Variants in AKAP13 observed in about 807,000 individuals in gnomAD.
AKAP13 encodes A-kinase anchoring protein 13, also known as A-kinase anchor protein 13.
In AKAP13, 80 loss-of-function variants were observed where a neutral mutation model predicts 264.5. The observed-to-expected ratio is 0.30, with a 90% CI of 0.25 to 0.36. AKAP13 has a LOEUF of 0.36. Among genes scored for constraint, AKAP13 ranks in the 10% least tolerant of loss-of-function variants. The probability of loss-of-function intolerance (pLI) is 1.00; values close to 1 mark genes in which losing one functional copy is unlikely to be tolerated. For synonymous variants in AKAP13, 1,380 were observed against 1,250.2 expected (o/e 1.10, Z -2.19); for missense variants, 3,712 against 3,435.2 (o/e 1.08, Z -2.01).
intron 2 of AKAP13, among the ~76,000 whole-genome samples, chr15:85,505,480 A>G (rs191187777): frequency 1.6e-4 from 25 of 152,358 alleles, no homozygotes; most frequent in African/African-American, 6.0e-4. Flanking sequence ...AAAAAAGAAG[A>G]CAGGTTATAG....
chr15:85,582,228 G>T (rs2079155856), intron 7 of AKAP13, 121 bp downstream of exon 7: 1 of 1,132,724 alleles, frequency 8.8e-7, no homozygotes, highest in South Asian at 1.7e-5. Context: ...TCATTGGGTA[G>T]GTAGCCAAGT....
chr15:85,727,198 G>A lies in AKAP13; in HGVS notation c.6955G>A (p.Glu2319Lys). ...GGTAGAAGTCCATGCCAGCTCCAAA[G>A]AGGAACGAAACAGCTGGATTCAGAT... The part of the protein sequence containing the change: ...EMVEVHASSK[E>K]ERNSWIQIIQ... The change falls in exon 28 of 37, where the codon GAG (glutamate) becomes AAG (lysine). Residue 2319 changes from glutamate to lysine, a missense_variant. Glu to Lys is a moderately conservative substitution (Grantham distance 56). Coordinates refer to ENST00000394518, the MANE Select transcript of AKAP13 (RefSeq NM_007200.5). This position sits in a 1 kb window ranked among gnomAD's most constrained non-coding sequence, Gnocchi z 5.3. 6.2e-7 allele frequency: 1 copy of A among 1,614,184 alleles called. No homozygotes were observed. The highest frequency in any genetic ancestry group is 8.5e-7 in the Non-Finnish European group (1 of 1,180,032).
chr15:85,393,104 T>A (rs1442689618), intron 1 of AKAP13, among the ~76,000 whole-genome samples: 1 of 152,190 alleles, frequency 6.6e-6, no homozygotes, highest in Non-Finnish European at 1.5e-5. Flanking sequence ...TAAGTGGGTG[T>A]GTTTCTGGAG....
At chr15:85,467,453 G>A (rs1398736062) in intron 1 of AKAP13, among the ~76,000 whole-genome samples, 3 of 151,876 alleles carry the variant, frequency 2.0e-5, no homozygotes, top group African/African-American at 7.3e-5. Flanking sequence ...AGTTATTTGT[G>A]TCTCTGTGAA....
At chr15:85,549,834 C>T (rs951955361) in intron 5 of AKAP13, among the ~76,000 whole-genome samples, 1 of 152,120 alleles carries the variant, frequency 6.6e-6, no homozygotes, top group African/African-American at 2.4e-5. Flanking sequence ...AATAACTGTA[C>T]ATTTATATTA....
In AKAP13 at chr15:85,685,978, T is replaced by C. The variant is rs145641748; in HGVS notation, c.5289+1105T>C. Among the ~76,000 whole-genome samples the C allele has an allele frequency of 2.0e-5, 3 of 152,370 alleles. No individual in the cohort carries two copies. In the East Asian group the frequency reaches 5.8e-4, roughly 29 times the overall value. On this transcript the variant is annotated intron_variant, in intron 16 of 36. Coordinates refer to ENST00000394518, the MANE Select transcript of AKAP13 (RefSeq NM_007200.5). ...AAAGGGAGAAAAGAAGTTCACTTTC[T>C]TATACTGATTCCCAGTGCTAAACCA...
chr15:85,509,189 G>T (rs983257682), intron 2 of AKAP13, among the ~76,000 whole-genome samples: 1 of 152,146 alleles, frequency 6.6e-6, no homozygotes, highest in Non-Finnish European at 1.5e-5. Flanking sequence ...GTTTCAAGTG[G>T]TTCTTATCAG....
At chr15:85,720,502 C>T (rs1194318370) in intron 23 of AKAP13, among the ~76,000 whole-genome samples, 1 of 152,190 alleles carries the variant, frequency 6.6e-6, no homozygotes, top group Non-Finnish European at 1.5e-5. Context: ...ATGTGATTGT[C>T]ATAGACAGAT....
chr15:85,709,744 A>G (rs763476389), intron 18 of AKAP13, among the ~76,000 whole-genome samples: 5 of 151,394 alleles, frequency 3.3e-5, no homozygotes, highest in Non-Finnish European at 5.9e-5. Flanking sequence ...CTGGAGTGCA[A>G]TGGCACAGTC....
intron 19 of AKAP13, among the ~76,000 whole-genome samples, chr15:85,713,511 C>T (rs566393103): frequency 6.8e-6 from 1 of 148,062 alleles, no homozygotes; most frequent in East Asian, 2.0e-4. Context: ...ATGCTCCAGG[C>T]CCTTTAACTC....
chr15:85,560,443 A>C (rs535602191), intron 5 of AKAP13, among the ~76,000 whole-genome samples: 1 of 152,276 alleles, frequency 6.6e-6, no homozygotes, highest in East Asian at 1.9e-4. Flanking sequence ...CACTGCACCC[A>C]GCCTATTTAT....
chr15:85,409,565 TC>T (rs529772251), intron 1 of AKAP13, among the ~76,000 whole-genome samples: 10 of 151,588 alleles, frequency 6.6e-5, no homozygotes, highest in Non-Finnish European at 1.2e-4. Context: ...TAGAATTTTC[TC>T]CCATTCTGTG....
chr15:85,619,953 T>C lies in AKAP13; in HGVS notation c.4162-19421T>C, dbSNP rs956085169. ...TTGTTTTTGACCCCTTTGAGAGTTTTAATAGAGAGGAGTCTGGAAGGCAGA... is the reference window on the plus strand; with the variant it reads ...TTGTTTTTGACCCCTTTGAGAGTTTCAATAGAGAGGAGTCTGGAAGGCAGA... On this transcript the variant is annotated intron_variant, in intron 8 of 36. Transcript: ENST00000394518. The C allele has an allele frequency of 2.7e-6, 4 of 1,455,180 alleles. No individual in the cohort carries two copies. The African/African-American group carries it at 4.3e-5, about 16-fold the overall frequency. 90.1% of individuals were successfully genotyped at this position (1,455,180 alleles called of 1,614,324 possible).
chr15:85,463,969 G>C (rs529051613), intron 1 of AKAP13, among the ~76,000 whole-genome samples: 1 of 152,234 alleles, frequency 6.6e-6, no homozygotes, highest in East Asian at 1.9e-4. Context: ...CAACAGCCAG[G>C]TAGTATGTAC....
chr15:85,721,539 G>C (rs1231619920), intron 23 of AKAP13, among the ~76,000 whole-genome samples: 3 of 152,224 alleles, frequency 2.0e-5, no homozygotes, highest in Non-Finnish European at 4.4e-5. Context: ...CTGCTGGCCT[G>C]AAGTAAGTAG....
At chr15:85,389,566 G>GAAGTC (rs1210439919) in intron 1 of AKAP13, among the ~76,000 whole-genome samples, 42 of 152,210 alleles carry the variant, frequency 2.8e-4, no homozygotes, top group African/African-American at 9.9e-4. Flanking sequence ...GGGTGAGTAT[G>GAAGTC]CTTTGTTGGT....
chr15:85,388,179 G>T (rs1480285369), intron 1 of AKAP13, among the ~76,000 whole-genome samples: 1 of 151,738 alleles, frequency 6.6e-6, no homozygotes, highest in African/African-American at 2.4e-5. Context: ...GGGATTACAG[G>T]TGCATGTTGT....
intron 12 of AKAP13, among the ~76,000 whole-genome samples, chr15:85,661,957 C>T (rs1472953003): frequency 6.7e-6 from 1 of 150,210 alleles, no homozygotes; most frequent in African/African-American, 2.4e-5. Context: ...CACAGTTTGT[C>T]ACTGTCTCTT....
Position 85,581,023 on chromosome 15 carries a change from T to C in AKAP13, c.2955T>C (p.Gly985=). ...CACTTCAGCTAAGTAATTCACCGGGTGCATCCTCTGCCTTTCTTAAGGCAG... is the reference window on the plus strand; with the variant it reads ...CACTTCAGCTAAGTAATTCACCGGGCGCATCCTCTGCCTTTCTTAAGGCAG... ...DKALQLSNSP[G]ASSAFLKAET... is the part of the protein sequence containing the mutation. The change falls in exon 7 of 37, where the codon GGT becomes GGC. Residue 985 remains glycine, a synonymous_variant. Transcript: ENST00000394518. 6.2e-7 allele frequency: 1 copy of C among 1,613,774 alleles called. No homozygotes were observed.
Sources: gnomAD v4.1 joint callset for allele counts (sites outside exome capture counted in the v4.1 genomes callset) on GRCh38, gnomAD v4.1.1 for gene constraint, Gnocchi (gnomAD v3.1) non-coding constraint, MANE v1.5 for transcripts, NCBI Gene and HGNC (gene_info 2026-07-23, HGNC 2026-07-21) for gene names.